The following GALNT15 variants were observed in gnomAD, a reference collection of about 807,000 sequenced individuals.
GALNT15 encodes polypeptide N-acetylgalactosaminyltransferase 15.
A neutral mutation model predicts 66.8 loss-of-function variants in GALNT15; 67 were observed. The observed-to-expected ratio is 1.00, with a 90% CI of 0.82 to 1.23. GALNT15 has a LOEUF of 1.23. GALNT15 is among the 50% of genes most tolerant of loss of function. The probability of loss-of-function intolerance (pLI) is 0.00; values close to 1 mark genes in which losing one functional copy is unlikely to be tolerated. For missense variants in GALNT15, 827 were observed against 804.3 expected (o/e 1.03, Z -0.34); for synonymous variants, 313 against 311.5 (o/e 1.00, Z -0.05).
At chr3:16,222,231 T>C (rs1164231432) in intron 8 of GALNT15, among the ~76,000 whole-genome samples, 1 of 152,152 alleles carries the variant, frequency 6.6e-6, no homozygotes, top group Non-Finnish European at 1.5e-5. Flanking sequence ...GGAAAGTTAG[T>C]TTCAGGAGCA....
chr3:16,181,022 G>C lies in GALNT15; in HGVS notation c.539+5332G>C, dbSNP rs780702985. Among the ~76,000 whole-genome samples, 3 of 152,172 alleles carry C rather than the reference G, an allele frequency of 2.0e-5. No individual in the cohort carries two copies. Among genetic ancestry groups the C allele is most frequent in the Non-Finnish European group, 2.9e-5 (2 of 68,034 alleles). On this transcript the variant is annotated intron_variant, in intron 1 of 9. Coordinates refer to ENST00000339732, the MANE Select transcript of GALNT15 (RefSeq NM_054110.5). The surrounding 1 kb of genome is among the most constrained non-coding windows in gnomAD (Gnocchi z 5.9). Reference sequence around the variant, plus strand: ...TTGTAGAGAAAATGAGACACAACGTGTGATGATTTTCCTTGTGTATTAAGT... The same window carrying C: ...TTGTAGAGAAAATGAGACACAACGTCTGATGATTTTCCTTGTGTATTAAGT...
rs536169750 is a variant in GALNT15 at position 16,195,979 on chromosome 3, G to T, written c.706+53G>T. The T allele has an allele frequency of 1.6e-4, 256 of 1,580,254 alleles. No individual in the cohort carries two copies. In the African/African-American group the frequency reaches 3.1e-3, roughly 19 times the overall value. On this transcript the variant is annotated intron_variant, in intron 2 of 9. Coordinates refer to ENST00000339732, the MANE Select transcript of GALNT15 (RefSeq NM_054110.5). This position sits in a 1 kb window ranked among gnomAD's most constrained non-coding sequence, Gnocchi z 4.6. Reference sequence around the variant, plus strand: ...CTGGGTGAGCCTTACCCCCTGGCGGGTGGAGTTCTCAAGCAAAAGATTGAA... The same window carrying T: ...CTGGGTGAGCCTTACCCCCTGGCGGTTGGAGTTCTCAAGCAAAAGATTGAA...
chr3:16,179,577 T>C (rs1241800019), intron 1 of GALNT15, among the ~76,000 whole-genome samples: 1 of 152,120 alleles, frequency 6.6e-6, no homozygotes, highest in Non-Finnish European at 1.5e-5. Flanking sequence ...CAGCCTGAGT[T>C]AGAAGCAACA....
intron 3 of GALNT15, among the ~76,000 whole-genome samples, chr3:16,206,894 A>C (rs759578863): frequency 1.3e-5 from 2 of 152,168 alleles, no homozygotes; most frequent in African/African-American, 4.8e-5. Context: ...AAATTTATCC[A>C]TCTGCCTGAT....
rs2063540437 is a variant in GALNT15 at position 16,188,501 on chromosome 3, G to A, written c.540-7259G>A. Among the ~76,000 whole-genome samples the A allele has an allele frequency of 6.6e-6, 1 of 152,188 alleles. No homozygotes were observed. The highest frequency in any genetic ancestry group is 1.5e-5 in the Non-Finnish European group (1 of 68,034). On this transcript the variant is annotated intron_variant, in intron 1 of 9. Coordinates refer to ENST00000339732, the MANE Select transcript of GALNT15 (RefSeq NM_054110.5). This position sits in a 1 kb window ranked among gnomAD's most constrained non-coding sequence, Gnocchi z 4.6. ...GTGACATCAGCTGTTCCTTTTAGGTGGGCCATGTGGTCTCGGGCTCACTGA... is the reference window on the plus strand; with the variant it reads ...GTGACATCAGCTGTTCCTTTTAGGTAGGCCATGTGGTCTCGGGCTCACTGA...
downstream of GALNT15, among the ~76,000 whole-genome samples, chr3:16,235,116 G>T (rs367950421): frequency 2.5e-4 from 38 of 152,078 alleles, no homozygotes; most frequent in African/African-American, 8.9e-4. Flanking sequence ...GTAAAGACAG[G>T]GTTTCAACAT....
chr3:16,190,440 C>A (rs1034831088), intron 1 of GALNT15, among the ~76,000 whole-genome samples: 1 of 152,092 alleles, frequency 6.6e-6, no homozygotes, highest in African/African-American at 2.4e-5. Flanking sequence ...AGATCGAGAC[C>A]ATCCTGGCTA....
At position 16,191,800 on chromosome 3, in the gene GALNT15, A is replaced by C. The variant is rs2063582152; in HGVS notation, c.540-3960A>C. ...CCTTTATCAAACTTATTTCTCCCAA[A>C]AGCTCTGAAGTGGACACTGTTGGGA... On this transcript the variant is annotated intron_variant, in intron 1 of 9. Transcript: ENST00000339732. This position sits in a 1 kb window ranked among gnomAD's most constrained non-coding sequence, Gnocchi z 5.2. Among the ~76,000 whole-genome samples, 1 of 152,198 alleles carries C rather than the reference A, an allele frequency of 6.6e-6. No individual in the cohort carries two copies. The highest frequency in any genetic ancestry group is 1.9e-4 in the East Asian group (1 of 5,206).
At chr3:16,205,266 G>C (rs2063745122) in intron 3 of GALNT15, among the ~76,000 whole-genome samples, 1 of 152,202 alleles carries the variant, frequency 6.6e-6, no homozygotes, top group Admixed American at 6.5e-5. Flanking sequence ...GTGTATCATG[G>C]ACCTTGAGGA....
At position 16,184,136 on chromosome 3, in the gene GALNT15, C is replaced by T. The variant is rs2063496067; in HGVS notation, c.539+8446C>T. On this transcript the variant is annotated intron_variant, in intron 1 of 9. Coordinates refer to ENST00000339732, the MANE Select transcript of GALNT15 (RefSeq NM_054110.5). This position sits in a 1 kb window ranked among gnomAD's most constrained non-coding sequence, Gnocchi z 5.0. ...AAAGCCCTTGGTTGTTCCTGTCCCGCTGCTCCCACTCAAAGGATGAACAAA... is the reference window on the plus strand; with the variant it reads ...AAAGCCCTTGGTTGTTCCTGTCCCGTTGCTCCCACTCAAAGGATGAACAAA... Among the ~76,000 whole-genome samples the T allele has an allele frequency of 6.6e-6, 1 of 152,206 alleles. No individual in the cohort carries two copies. The highest frequency in any genetic ancestry group is 2.4e-5 in the African/African-American group (1 of 41,440).
At chr3:16,240,678 G>T in the GALNT15 span, among the ~76,000 whole-genome samples, 1 of 152,172 alleles carries the variant, frequency 6.6e-6, no homozygotes, top group Non-Finnish European at 1.5e-5. Context: ...TAATTTCCAA[G>T]TGTTTCTCCA....
At position 16,228,949 on chromosome 3, in the gene GALNT15, T is replaced by C. The variant is rs1403735573; in HGVS notation, c.*1449T>C. 3.0e-6 allele frequency: 3 copies of C among 985,316 alleles called. No individual in the cohort carries two copies. The highest frequency in any genetic ancestry group is 3.6e-6 in the Non-Finnish European group (3 of 829,956). 61.0% of individuals were successfully genotyped at this position (985,316 alleles called of 1,614,324 possible). On this transcript the variant is annotated 3_prime_UTR_variant, in exon 10 of 10. Transcript: ENST00000339732. ...GAGGCTAGTAAGAGCTAAATGACTT[T>C]CCTTGCTATGACTTGGCTTACCTGA... is the stretch of plus-strand genomic sequence containing the variant.
At chr3:16,178,667 G>A (rs2063438504) in intron 1 of GALNT15, among the ~76,000 whole-genome samples, 1 of 152,126 alleles carries the variant, frequency 6.6e-6, no homozygotes, top group Non-Finnish European at 1.5e-5. Context: ...CAAGGCAAAC[G>A]ATCTCCACCC....
At chr3:16,242,584 C>G in the GALNT15 span, among the ~76,000 whole-genome samples, 3 of 151,898 alleles carry the variant, frequency 2.0e-5, no homozygotes, top group Non-Finnish European at 4.4e-5. This position sits in a 1 kb window ranked among gnomAD's most constrained non-coding sequence, Gnocchi z 5.6. Flanking sequence ...ATGGCAAAAA[C>G]CAATCTCTAC....
At chr3:16,217,431 CT>C (rs2063891260) in intron 6 of GALNT15, among the ~76,000 whole-genome samples, 1 of 152,208 alleles carries the variant, frequency 6.6e-6, no homozygotes. Flanking sequence ...CTATCACTTA[CT>C]TTGATTTCAA....
rs749644122 is a variant in GALNT15, at chr3:16,222,573, A to G, written c.1630-42A>G. ...TACCTCCTCTACAGCTTTGAAGAGG[A>G]TCTCTTTCTAGCTGCGCTAACAACT... On this transcript the variant is annotated intron_variant, in intron 8 of 9. Coordinates refer to ENST00000339732, the MANE Select transcript of GALNT15 (RefSeq NM_054110.5). 38 of 1,612,848 alleles carry G rather than the reference A, an allele frequency of 2.4e-5. No individual in the cohort carries two copies. In the East Asian group the frequency reaches 7.6e-4, roughly 32 times the overall value.
chr3:16,236,909 G>C (rs994284504), downstream of GALNT15, among the ~76,000 whole-genome samples: 1 of 152,246 alleles, frequency 6.6e-6, no homozygotes, highest in South Asian at 2.1e-4. Flanking sequence ...TGGAAGGGAG[G>C]GCTCCTCAGA....
rs138953226 is a variant in GALNT15, at chr3:16,203,639, C to T, written c.911+2816C>T. 6.9e-3 allele frequency among the ~76,000 whole-genome samples: 1,046 copies of T among 151,362 alleles called. 42 individuals carry two copies. Among genetic ancestry groups the T allele is most frequent in the Admixed American group, 0.063 (959 of 15,178 alleles). ...ACTGGCTTGCCTTCCTCTTTGGGTT[C>T]CATCTCTTCTGCGTGATGTGACCAC... is the stretch of plus-strand genomic sequence containing the variant. On this transcript the variant is annotated intron_variant, in intron 3 of 9. Transcript: ENST00000339732. This position sits in a 1 kb window ranked among gnomAD's most constrained non-coding sequence, Gnocchi z 6.2.
intron 1 of GALNT15, among the ~76,000 whole-genome samples, chr3:16,190,420 C>T (rs192070598): frequency 6.6e-6 from 1 of 152,242 alleles, no homozygotes; most frequent in East Asian, 1.9e-4. Flanking sequence ...GGGAGGATCA[C>T]GAGGTCAGGA....
Sources: gnomAD v4.1 joint callset for allele counts (sites outside exome capture counted in the v4.1 genomes callset) on GRCh38, gnomAD v4.1.1 for gene constraint, Gnocchi (gnomAD v3.1) non-coding constraint, MANE v1.5 for transcripts, NCBI Gene and HGNC (gene_info 2026-07-23, HGNC 2026-07-21) for gene names.